Variants in PDE2A observed in about 807,000 individuals in gnomAD.
PDE2A encodes cGMP-dependent 3',5'-cyclic phosphodiesterase.
PDE2A carries 53 observed loss-of-function variants against 133.6 expected under a neutral mutation model. The ratio of observed to expected loss-of-function variants is 0.40; its 90% confidence interval spans 0.32 to 0.50. PDE2A has a LOEUF of 0.50. Among genes scored for constraint, PDE2A ranks in the 20% least tolerant of loss-of-function variants. PDE2A has a pLI of 0.73. For missense variants in PDE2A, 796 were observed against 1,232.4 expected, an observed-to-expected ratio of 0.65 and a Z score of 5.30; for synonymous variants, 491 against 490.2, an observed-to-expected ratio of 1.00 and a Z score of -0.02.
In PDE2A at chr11:72,578,185, C is replaced by T. The variant is rs749342391; in HGVS notation, c.2615+48G>A. On this transcript the variant is annotated intron_variant, in intron 30 of 30. Coordinates refer to ENST00000334456, the MANE Select transcript of PDE2A (RefSeq NM_002599.5). The surrounding 1 kb of genome is among the most constrained non-coding windows in gnomAD (Gnocchi z 4.2). ...GTTTCCTGTGATGTCCCCACTCCAGCCTACCCTCTCTGTGCAGGGTGCAGC... is the reference window on the plus strand; with the variant it reads ...GTTTCCTGTGATGTCCCCACTCCAGTCTACCCTCTCTGTGCAGGGTGCAGC... The T allele has an allele frequency of 8.2e-7, 1 of 1,215,940 alleles. No homozygotes were observed. The highest frequency in any genetic ancestry group is 1.2e-6 in the Non-Finnish European group (1 of 817,340). The allele number at this position is 1,215,940 out of a possible 1,614,324, so 75.3% of individuals were successfully genotyped here. A position where few individuals can be genotyped will look rare whatever the true frequency, so the allele number is the denominator to read the frequency against.
chr11:72,609,370 C>A (rs1166775466), intron 2 of PDE2A, among the ~76,000 whole-genome samples: 1 of 152,238 alleles, frequency 6.6e-6, no homozygotes, highest in African/African-American at 2.4e-5. Flanking sequence ...GGGTCCCGCT[C>A]ACTTTCCCCA....
Position 72,580,643 on chromosome 11 carries a change from A to C in PDE2A, c.2134-19T>G, listed in dbSNP as rs1203056859. On this transcript the variant is annotated intron_variant, in intron 24 of 30. Coordinates refer to ENST00000334456, the MANE Select transcript of PDE2A (RefSeq NM_002599.5). Reference sequence around the variant, plus strand: ...CAGATTTCTGGAAAAGCCCAGGAAAACTGTGGTCACTCCTCACATCCGGAT... The same window carrying C: ...CAGATTTCTGGAAAAGCCCAGGAAACCTGTGGTCACTCCTCACATCCGGAT... The C allele has an allele frequency of 1.9e-6, 3 of 1,553,404 alleles. No homozygotes were observed. Among genetic ancestry groups the C allele is most frequent in the Admixed American group, 1.9e-5 (1 of 51,304 alleles).
At chr11:72,636,465 C>T (rs1858700164) in intron 2 of PDE2A, among the ~76,000 whole-genome samples, 1 of 152,224 alleles carries the variant, frequency 6.6e-6, no homozygotes, top group African/African-American at 2.4e-5. Context: ...ACAGGTGAGG[C>T]TGTAGCAGCC....
At chr11:72,644,982 C>A (rs1026932382) in intron 1 of PDE2A, among the ~76,000 whole-genome samples, 2 of 152,162 alleles carry the variant, frequency 1.3e-5, no homozygotes, top group Non-Finnish European at 2.9e-5. Flanking sequence ...GTCTCGATCT[C>A]TTGACCTCAT....
intron 4 of PDE2A, among the ~76,000 whole-genome samples, chr11:72,602,524 C>G (rs1223073885): frequency 6.6e-6 from 1 of 152,192 alleles, no homozygotes; most frequent in South Asian, 2.1e-4. Context: ...GTAGGTCAGT[C>G]CCTCTCCCTC....
At chr11:72,619,386 G>A (rs528163336) in intron 2 of PDE2A, among the ~76,000 whole-genome samples, 3 of 152,212 alleles carry the variant, frequency 2.0e-5, no homozygotes, top group East Asian at 1.9e-4. Flanking sequence ...CCATAGTGGC[G>A]AGCCCCTACG....
intron 2 of PDE2A, among the ~76,000 whole-genome samples, chr11:72,615,643 G>A (rs1298387058): frequency 6.6e-6 from 1 of 151,862 alleles, no homozygotes; most frequent in Non-Finnish European, 1.5e-5. Context: ...AGAACCGAGA[G>A]TGGTCCCATT....
At chr11:72,589,022 G>C in intron 12 of PDE2A, 108 bp from the exon 13 acceptor site, 4 of 1,311,228 alleles carry the variant, frequency 3.1e-6, no homozygotes, top group African/African-American at 1.4e-5. Context: ...CTCATGCAAG[G>C]CTGGAAGCTC....
chr11:72,641,868 G>T (rs1343079843), intron 2 of PDE2A, among the ~76,000 whole-genome samples: 1 of 152,202 alleles, frequency 6.6e-6, no homozygotes, highest in African/African-American at 2.4e-5. Flanking sequence ...ATGACAGCTG[G>T]GGGTTCAGGT....
intron 14 of PDE2A, 121 bp from the exon 15 acceptor site, chr11:72,585,714 C>T: frequency 1.3e-6 from 1 of 786,532 alleles, no homozygotes; most frequent in South Asian, 1.6e-5. Context: ...CTGGACAAGC[C>T]AGAAACTGTC....
chr11:72,586,042 CG>C, intron 14 of PDE2A, 27 bp downstream of exon 14: 1 of 1,344,264 alleles, frequency 7.4e-7, no homozygotes, highest in Non-Finnish European at 1.1e-6. Flanking sequence ...AGTCGGTGCC[CG>C]AGAGAGGCTG....
At position 72,608,254 on chromosome 11, in the gene PDE2A, C is replaced by T. The variant is rs571323838; in HGVS notation, c.234+408G>A. ...CTATTCATCAAAGCTGAGCCCTATT[C>T]TAGTACCTCCCAGACCTGGCTTCCA... is the stretch of plus-strand genomic sequence containing the variant. On this transcript the variant is annotated intron_variant, in intron 3 of 30. Transcript: ENST00000334456. Among the ~76,000 whole-genome samples, 7 of 152,322 alleles carry T rather than the reference C, an allele frequency of 4.6e-5. No homozygotes were observed. The South Asian group carries it at 6.2e-4, about 14-fold the overall frequency.
intron 1 of PDE2A, chr11:72,642,861 G>A (rs1859020409): frequency 1.3e-5 from 2 of 154,138 alleles, no homozygotes; most frequent in African/African-American, 4.8e-5. Flanking sequence ...GACACCGCAG[G>A]AGCCTCGGGC....
In PDE2A at chr11:72,584,678, C is replaced by T. The variant is rs1263553223; in HGVS notation, c.1410G>A (p.Ala470=). ...PADQGIAGHV[A]TTGQILNIPD... ...GGATGTTCAGGATCTGGCCCGTGGT[C>T]GCCACGTGTCCCGCGATGCCCTGAT... Residue 470 remains alanine (A), a synonymous_variant, in exon 18 of 31, where the codon GCG becomes GCA. Transcript: ENST00000334456. 1.1e-5 allele frequency: 18 copies of T among 1,613,166 alleles called. No homozygotes were observed. The Admixed American group carries it at 2.8e-4, about 25-fold the overall frequency.
chr11:72,612,677 G>A (rs1857265831), intron 2 of PDE2A, among the ~76,000 whole-genome samples: 1 of 151,774 alleles, frequency 6.6e-6, no homozygotes, highest in Admixed American at 6.6e-5. Flanking sequence ...GGGGAGGGAT[G>A]GTGGATGGAT....
intron 2 of PDE2A, among the ~76,000 whole-genome samples, chr11:72,619,068 A>G (rs1284793955): frequency 6.6e-6 from 1 of 151,774 alleles, no homozygotes; most frequent in East Asian, 1.9e-4. Flanking sequence ...ACACACACAC[A>G]CACGCACACA....
intron 2 of PDE2A, among the ~76,000 whole-genome samples, chr11:72,633,308 G>A (rs1858514770): frequency 6.6e-6 from 1 of 152,164 alleles, no homozygotes; most frequent in African/African-American, 2.4e-5. Context: ...ACGTCCTGTG[G>A]GGACCTCAGG....
chr11:72,584,525 C>T (rs1451390236), intron 18 of PDE2A, 26 bp downstream of exon 18: 2 of 1,567,200 alleles, frequency 1.3e-6, no homozygotes, highest in African/African-American at 2.7e-5. Context: ...CAGGCCCCGC[C>T]CCTCCGCCCG....
At chr11:72,627,404 G>C (rs879575676) in intron 2 of PDE2A, among the ~76,000 whole-genome samples, 3 of 152,236 alleles carry the variant, frequency 2.0e-5, no homozygotes, top group Non-Finnish European at 4.4e-5. Context: ...AGAGGGACCA[G>C]TCTGAGGAAC....
Sources: gnomAD v4.1 joint callset for allele counts (sites outside exome capture counted in the v4.1 genomes callset) on GRCh38, gnomAD v4.1.1 for gene constraint, Gnocchi (gnomAD v3.1) non-coding constraint, MANE v1.5 for transcripts, NCBI Gene and HGNC (gene_info 2026-07-23, HGNC 2026-07-21) for gene names.